The following DCAF4 variants were observed in gnomAD, a reference collection of about 807,000 sequenced individuals.
DCAF4 encodes the protein DDB1- and CUL4-associated factor 4.
Under a neutral mutation model 60.9 loss-of-function variants are expected in DCAF4, and 37 were observed. The observed-to-expected ratio is 0.61, with a 90% CI of 0.47 to 0.80. The LOEUF (loss-of-function observed/expected upper bound fraction) is 0.80, where lower values mean the gene tolerates loss of function less well. Ranked by LOEUF, DCAF4 falls within the 30% of genes least tolerant of loss-of-function variation. The pLI, the probability that DCAF4 is intolerant of heterozygous loss-of-function variation, is 0.00. For missense variants in DCAF4, 577 were observed against 650.0 expected, an observed-to-expected ratio of 0.89 and a Z score of 1.22; for synonymous variants, 243 against 254.8, an observed-to-expected ratio of 0.95 and a Z score of 0.44.
Position 72,955,572 on chromosome 14 carries a change from A to G in DCAF4, c.1055A>G (p.Asp352Gly), listed in dbSNP as rs200960019. ...GCRSGEIFAI[D>G]LRCGNQGKGW... ...CGCTCTGGGGAAATCTTTGCCATTG[A>G]TCTGCGTTGTGGAAATCAAGGCAAG... The change falls in exon 12 of 14, where the codon GAT becomes GGT. Residue 352 changes from aspartate (D) to glycine (G), a missense_variant. Transcript: ENST00000358377. 1 of 1,614,064 alleles carries G rather than the reference A, an allele frequency of 6.2e-7. No individual in the cohort carries two copies. Among genetic ancestry groups the G allele is most frequent in the Non-Finnish European group, 8.5e-7 (1 of 1,180,010 alleles).
At chr14:72,957,361 TCAGA>T (rs1892446047) in intron 13 of DCAF4, 1 of 152,240 alleles carries the variant, frequency 6.6e-6, no homozygotes. Context: ...TATAGCGTAA[TCAGA>T]CAGTGTGCAG....
chr14:72,960,883 T>G (rs1347177634), downstream of DCAF4: 1 of 128,222 alleles, frequency 7.8e-6, no homozygotes, highest in Admixed American at 7.8e-5. Context: ...CCCCCCCACC[T>G]TTTTTTTTTT....
At position 72,958,751 on chromosome 14, in the gene DCAF4, G is replaced by A. The variant is rs139772335; in HGVS notation, c.1434G>A (p.Ala478=). Residue 478 remains alanine, a synonymous_variant, in exon 14 of 14, where the codon GCG becomes GCA. Coordinates refer to ENST00000358377, the MANE Select transcript of DCAF4 (RefSeq NM_015604.4). ...FSSRLGGSRG[A]PGLLMAVGQD... ...CGCGGCTGGGGGGCTCCCGGGGCGC[G>A]CCGGGGCTGCTCATGGCTGTCGGGC... 2 of 1,609,478 alleles carry A rather than the reference G, an allele frequency of 1.2e-6. No homozygotes were observed. The highest frequency in any genetic ancestry group is 8.5e-7 in the Non-Finnish European group (1 of 1,177,830).
At chr14:72,953,826 GTGTA>G (rs1157811892) in intron 9 of DCAF4, among the ~76,000 whole-genome samples, 52 of 86,586 alleles carry the variant, frequency 6.0e-4, no homozygotes, top group Middle Eastern at 6.4e-3. Context: ...GTGTGTGTGT[GTGTA>G]TATACACACA....
At chr14:72,932,771 T>C in intron 1 of DCAF4, among the ~76,000 whole-genome samples, 1 of 152,240 alleles carries the variant, frequency 6.6e-6, no homozygotes, top group East Asian at 1.9e-4. Context: ...AGTCTTGCTA[T>C]GTTGCCCACA....
intron 1 of DCAF4, among the ~76,000 whole-genome samples, chr14:72,930,457 C>T (rs1269977768): frequency 1.3e-5 from 2 of 152,056 alleles, no homozygotes; most frequent in Non-Finnish European, 2.9e-5. Flanking sequence ...TTAGTAGAGA[C>T]GGGGCTTCGC....
intron 1 of DCAF4, among the ~76,000 whole-genome samples, chr14:72,927,148 A>T (rs974306128): frequency 4.6e-5 from 7 of 152,196 alleles, no homozygotes. Context: ...CGAGAAAGCC[A>T]CGCCTCGTGG....
intron 13 of DCAF4, 86 bp from the exon 14 acceptor site, chr14:72,958,526 G>C: frequency 1.3e-6 from 2 of 1,493,858 alleles, no homozygotes; most frequent in Non-Finnish European, 1.8e-6. Flanking sequence ...CAGCCCTGAG[G>C]AATCTTGGGA....
At position 72,940,588 on chromosome 14, in the gene DCAF4, G is replaced by GTTTTT. The variant is rs750585266; in HGVS notation, c.351+213_351+214insTTTTT. On this transcript the variant is annotated intron_variant, in intron 4 of 13. Transcript: ENST00000358377. The stretch of plus-strand genomic sequence containing the variant: ...CCATCCCCGTTTTCTTGTTCGATAA[G>GTTTTT]TTGTTTTTTTTTTTTTTTTTGAGGC... 96 of 276,378 alleles carry GTTTTT rather than the reference G, an allele frequency of 3.5e-4. 5 individuals carry two copies. Among genetic ancestry groups the GTTTTT allele is most frequent in the Middle Eastern group, 9.9e-4 (1 of 1,006 alleles). The allele number at this position is 276,378 out of a possible 1,614,324, so 17.1% of individuals were successfully genotyped here.
chr14:72,953,724 AAAAAAAAAATATATATATATAT>A (rs1417088352), intron 9 of DCAF4, among the ~76,000 whole-genome samples: 2 of 50,156 alleles, frequency 4.0e-5, no homozygotes, highest in African/African-American at 2.1e-4. Flanking sequence ...AAAAAAAAAA[AAAAAAAAAATATATATATATAT>A]ATATATATAT....
Position 72,958,753 on chromosome 14 carries a change from C to T in DCAF4, c.1436C>T (p.Pro479Leu), listed in dbSNP as rs754976946. Residue 479 changes from proline to leucine, a missense_variant, in exon 14 of 14, where the codon CCG becomes CTG. Physicochemically the swap from Pro to Leu is moderately conservative, Grantham distance 98 (BLOSUM62 -3). Coordinates refer to ENST00000358377, the MANE Select transcript of DCAF4 (RefSeq NM_015604.4). ...SSRLGGSRGA[P>L]GLLMAVGQDL... ...CGGCTGGGGGGCTCCCGGGGCGCGC[C>T]GGGGCTGCTCATGGCTGTCGGGCAG... 43 of 1,609,484 alleles carry T rather than the reference C, an allele frequency of 2.7e-5. No individual in the cohort carries two copies. The highest frequency in any genetic ancestry group is 1.7e-4 in the Middle Eastern group (1 of 6,056).
intron 1 of DCAF4, among the ~76,000 whole-genome samples, chr14:72,935,863 A>G (rs533509004): frequency 1.6e-4 from 24 of 152,356 alleles, no homozygotes; most frequent in African/African-American, 5.5e-4. Flanking sequence ...ATCATTTCAT[A>G]TACAGAATAT....
rs1345720882 is a variant in DCAF4, at chr14:72,954,484, G to A, written c.1005+1G>A. On this transcript the variant is annotated splice_donor_variant, in intron 11 of 13. Transcript: ENST00000358377. LOFTEE classifies it high-confidence loss of function. Reference sequence around the variant, plus strand: ...CTTGGCCCAGCAGTTTGCTCTCATGGTTGGTTGGATTGGGACAGGCAGAAT... The same window carrying A: ...CTTGGCCCAGCAGTTTGCTCTCATGATTGGTTGGATTGGGACAGGCAGAAT... 39 of 1,614,160 alleles carry A rather than the reference G, an allele frequency of 2.4e-5. No homozygotes were observed. The highest frequency in any genetic ancestry group is 3.3e-5 in the Non-Finnish European group (39 of 1,179,996).
At chr14:72,941,076 G>A (rs1376476218) in intron 4 of DCAF4, among the ~76,000 whole-genome samples, 1 of 151,924 alleles carries the variant, frequency 6.6e-6, no homozygotes, top group Non-Finnish European at 1.5e-5. Context: ...TGATCCTCCT[G>A]CCTCAGCCTC....
chr14:72,951,903 A>C (rs199575616), intron 9 of DCAF4, 26 bp downstream of exon 9: 1 of 1,612,986 alleles, frequency 6.2e-7, no homozygotes, highest in African/African-American at 1.3e-5. Flanking sequence ...CCTTTAAAGA[A>C]ATCTGTCCTC....
chr14:72,955,799 A>G, intron 12 of DCAF4, 103 bp downstream of exon 12: 1 of 1,158,912 alleles, frequency 8.6e-7, no homozygotes, highest in South Asian at 1.5e-5. Context: ...GACCCCAGGC[A>G]GGGGAATTTC....
chr14:72,940,010 G>A, intron 3 of DCAF4, 108 bp downstream of exon 3: 1 of 1,241,716 alleles, frequency 8.1e-7, no homozygotes, highest in Non-Finnish European at 1.1e-6. Flanking sequence ...ACTCAGGGAA[G>A]GAGCTGGGTG....
At chr14:72,929,768 C>G in intron 1 of DCAF4, 1 of 1,053,922 alleles carries the variant, frequency 9.5e-7, no homozygotes, top group South Asian at 1.3e-5. Context: ...TGGCGCGCAG[C>G]TCGTACGAAG....
At chr14:72,936,137 G>A (rs373422333) in intron 1 of DCAF4, among the ~76,000 whole-genome samples, 8 of 152,230 alleles carry the variant, frequency 5.3e-5, no homozygotes, top group Non-Finnish European at 1.2e-4. Flanking sequence ...CTTCCTGTGC[G>A]CAGTCCCTTT....
Sources: allele counts gnomAD v4.1 joint callset (sites outside exome capture counted in the v4.1 genomes callset), GRCh38; gene constraint gnomAD v4.1.1; transcripts MANE v1.5; gene names NCBI Gene and HGNC (gene_info 2026-07-23, HGNC 2026-07-21).